Variants in TTC28 observed in about 807,000 individuals in gnomAD.
TTC28 encodes the protein tetratricopeptide repeat domain 28, also known as tetratricopeptide repeat protein 28.
Under a neutral mutation model 198.0 loss-of-function variants are expected in TTC28, and 61 were observed. The ratio of observed to expected loss-of-function variants is 0.31; its 90% CI spans 0.25 to 0.38. The LOEUF (loss-of-function observed/expected upper bound fraction) is 0.38, where lower values mean the gene tolerates loss of function less well. TTC28 is among the 10% of genes least tolerant of loss of function. TTC28 has a pLI of 1.00. For synonymous variants in TTC28, 1,171 were observed against 1,297.8 expected, an observed-to-expected ratio of 0.90 and a Z score of 2.10; for missense variants, 2,678 against 3,164.0, an observed-to-expected ratio of 0.85 and a Z score of 3.69.
At chr22:28,591,523 C>T (rs955730802) in intron 2 of TTC28, among the ~76,000 whole-genome samples, 1 of 152,074 alleles carries the variant, frequency 6.6e-6, no homozygotes, top group African/African-American at 2.4e-5. Context: ...AGTGACTCAG[C>T]TGGTAAATAG....
chr22:28,161,058 G>A (rs577410197), intron 6 of TTC28, among the ~76,000 whole-genome samples: 3 of 152,240 alleles, frequency 2.0e-5, no homozygotes, highest in Middle Eastern at 3.4e-3. Flanking sequence ...CTGATTTTCT[G>A]TCAGGGAAAA....
intron 5 of TTC28, among the ~76,000 whole-genome samples, chr22:28,266,906 AATGACTAC>A (rs1410563461): frequency 2.6e-5 from 4 of 152,194 alleles, no homozygotes; most frequent in African/African-American, 9.7e-5. Flanking sequence ...ACTTCACCAG[AATGACTAC>A]ATGATGGCAT....
Position 27,989,904 on chromosome 22 carries a change from C to T in TTC28, c.5681G>A (p.Gly1894Glu), listed in dbSNP as rs1937337303. The change falls in exon 21 of 23, where the codon GGA becomes GAA. Residue 1894 changes from glycine (G) to glutamate (E), a missense_variant. Gly to Glu is a moderately conservative substitution (Grantham distance 98). Coordinates refer to ENST00000397906, the MANE Select transcript of TTC28 (RefSeq NM_001145418.2). ...SISVQLWRLP[G>E]CHEFLAALGF... ...TAGAGCTGCCAGGAACTCGTGGCAT[C>T]CCGGGAGCCGCCACAGCTGGACGCT... 1 of 1,551,116 alleles carries T rather than the reference C, an allele frequency of 6.4e-7. No homozygotes were observed. Among genetic ancestry groups the T allele is most frequent in the Non-Finnish European group, 8.7e-7 (1 of 1,146,796 alleles).
At chr22:28,029,339 A>T (rs2146627969) in intron 13 of TTC28, among the ~76,000 whole-genome samples, 1 of 152,272 alleles carries the variant, frequency 6.6e-6, no homozygotes, top group East Asian at 1.9e-4. Flanking sequence ...CTGGAGTAGG[A>T]ACAGACAGGG....
intron 2 of TTC28, among the ~76,000 whole-genome samples, chr22:28,392,331 A>G (rs1490417116): frequency 2.0e-5 from 3 of 152,200 alleles, no homozygotes; most frequent in Admixed American, 6.5e-5. Context: ...TGGAGCCTAC[A>G]GAGGCAGGCA....
rs1186717920 is a variant in TTC28, at chr22:28,401,419, C to T, written c.382-94776G>A. The stretch of plus-strand genomic sequence containing the variant: ...TCATCTGAAGTCAGGAGTTTGAGAC[C>T]AGCCTGGCCAACATGGTGAAACCCC... On this transcript the variant is annotated intron_variant, in intron 2 of 22. Transcript: ENST00000397906. Among the ~76,000 whole-genome samples, 6 of 151,884 alleles carry T rather than the reference C, an allele frequency of 4.0e-5. No individual in the cohort carries two copies. The East Asian group carries it at 9.7e-4, about 24-fold the overall frequency.
intron 12 of TTC28, among the ~76,000 whole-genome samples, chr22:28,036,494 T>G (rs1005396543): frequency 6.6e-6 from 1 of 152,080 alleles, no homozygotes; most frequent in Non-Finnish European, 1.5e-5. Flanking sequence ...CAACATACCA[T>G]AATCTCTGGG....
intron 12 of TTC28, among the ~76,000 whole-genome samples, chr22:28,081,518 A>T: frequency 7.1e-6 from 1 of 140,004 alleles, no homozygotes. Flanking sequence ...TTTTAGGTGG[A>T]GTCTCACTGC....
chr22:28,553,048 C>A (rs922256796), intron 2 of TTC28, among the ~76,000 whole-genome samples: 3 of 152,122 alleles, frequency 2.0e-5, no homozygotes, highest in Non-Finnish European at 2.9e-5. Flanking sequence ...CTCGGCCTCC[C>A]GAGGTGCCGG....
chr22:28,627,869 A>G (rs1326309317), intron 2 of TTC28, among the ~76,000 whole-genome samples: 2 of 152,294 alleles, frequency 1.3e-5, no homozygotes, highest in South Asian at 2.1e-4. Flanking sequence ...AATGAGGCCA[A>G]GAAGACCTAT....
intron 19 of TTC28, among the ~76,000 whole-genome samples, chr22:27,991,693 C>T (rs1937414670): frequency 6.6e-6 from 1 of 152,222 alleles, no homozygotes; most frequent in South Asian, 2.1e-4. Context: ...AAGGGCTGCT[C>T]CAGCCTCCAG....
intron 2 of TTC28, among the ~76,000 whole-genome samples, chr22:28,339,720 G>T (rs1358761843): frequency 6.6e-6 from 1 of 152,162 alleles, no homozygotes; most frequent in Non-Finnish European, 1.5e-5. Flanking sequence ...CTGGTGTGGT[G>T]TTTGCTAAGA....
intron 12 of TTC28, among the ~76,000 whole-genome samples, chr22:28,046,663 T>C (rs151315169): frequency 7.9e-5 from 12 of 152,312 alleles, no homozygotes; most frequent in African/African-American, 2.9e-4. Flanking sequence ...TGTATACATA[T>C]GCTATATACA....
chr22:28,065,442 A>T (rs923597680), intron 12 of TTC28, among the ~76,000 whole-genome samples: 10 of 152,192 alleles, frequency 6.6e-5, no homozygotes, highest in African/African-American at 2.4e-4. Flanking sequence ...CTGTGCCATA[A>T]CATTCTTCTT....
At chr22:28,653,579 C>T (rs889202636) in intron 1 of TTC28, among the ~76,000 whole-genome samples, 3 of 151,716 alleles carry the variant, frequency 2.0e-5, no homozygotes, top group Admixed American at 6.6e-5. Flanking sequence ...ATGGAGAGAC[C>T]GCTCATACCT....
chr22:28,670,092 T>G (rs980137785), intron 1 of TTC28, among the ~76,000 whole-genome samples: 1 of 116,520 alleles, frequency 8.6e-6, no homozygotes, highest in African/African-American at 3.4e-5. Flanking sequence ...TTACTGAAAA[T>G]AAAAATGGGG....
intron 5 of TTC28, among the ~76,000 whole-genome samples, chr22:28,170,518 C>T (rs1436191713): frequency 6.6e-6 from 1 of 151,416 alleles, no homozygotes; most frequent in Non-Finnish European, 1.5e-5. Flanking sequence ...AAAAGAAAAT[C>T]GAAATTAATT....
At chr22:28,299,804 A>G (rs1409734930) in intron 3 of TTC28, among the ~76,000 whole-genome samples, 2 of 152,230 alleles carry the variant, frequency 1.3e-5, no homozygotes, top group African/African-American at 2.4e-5. Flanking sequence ...CATAACCAAG[A>G]TAAGAACACA....
intron 9 of TTC28, among the ~76,000 whole-genome samples, chr22:28,100,699 C>T (rs148248731): frequency 2.8e-3 from 426 of 152,290 alleles, no homozygotes; most frequent in Non-Finnish European, 4.2e-3. Flanking sequence ...CACTACTACT[C>T]CAACCTAACA....
Sources: allele counts gnomAD v4.1 joint callset (sites outside exome capture counted in the v4.1 genomes callset), GRCh38; gene constraint gnomAD v4.1.1; transcripts MANE v1.5; gene names NCBI Gene and HGNC (gene_info 2026-07-23, HGNC 2026-07-21).